The following EIF2AK4 variants were observed in gnomAD, a reference collection of about 807,000 sequenced individuals.
EIF2AK4 encodes the protein eIF-2-alpha kinase GCN2.
EIF2AK4 carries 139 observed loss-of-function variants against 211.1 expected under a neutral mutation model. The observed-to-expected ratio is 0.66, with a 90% confidence interval of 0.57 to 0.76. The LOEUF is 0.76. Among genes scored for constraint, EIF2AK4 ranks in the 30% least tolerant of loss-of-function variants. The pLI, the probability that EIF2AK4 is intolerant of heterozygous loss-of-function variation, is 0.00. For missense variants in EIF2AK4, 1,664 were observed against 2,043.8 expected (o/e 0.81, Z 3.58); for synonymous variants, 710 against 751.3 (o/e 0.94, Z 0.90).
At chr15:39,959,764 A>G (rs889403099) in intron 6 of EIF2AK4, among the ~76,000 whole-genome samples, 1 of 152,250 alleles carries the variant, frequency 6.6e-6, no homozygotes, top group African/African-American at 2.4e-5. Context: ...CTTTGCTTTT[A>G]TCCTTTTCTC....
At chr15:40,017,632 C>T (rs1414369857) in intron 29 of EIF2AK4, among the ~76,000 whole-genome samples, 3 of 147,676 alleles carry the variant, frequency 2.0e-5, no homozygotes, top group Non-Finnish European at 4.5e-5. Context: ...GCAGCCTCGA[C>T]CTCCCTGGGC....
intron 5 of EIF2AK4, among the ~76,000 whole-genome samples, 172 bp downstream of exon 5, chr15:39,954,156 T>C (rs1166860861): frequency 6.6e-6 from 1 of 152,178 alleles, no homozygotes; most frequent in African/African-American, 2.4e-5. Flanking sequence ...AAATTTAGAG[T>C]TTTATGTTGT....
intron 32 of EIF2AK4, among the ~76,000 whole-genome samples, chr15:40,022,879 G>A (rs906222942): frequency 3.3e-5 from 5 of 152,148 alleles, no homozygotes; most frequent in East Asian, 1.9e-4. Flanking sequence ...GACTGCAGGT[G>A]CCCGCCACCA....
intron 6 of EIF2AK4, among the ~76,000 whole-genome samples, chr15:39,958,386 G>T (rs1226954188): frequency 6.6e-6 from 1 of 152,190 alleles, no homozygotes; most frequent in African/African-American, 2.4e-5. Context: ...AGGTTATCTA[G>T]TTTGTTTTCC....
At position 40,017,183 on chromosome 15, in the gene EIF2AK4, A is replaced by G; in HGVS notation, c.4006A>G (p.Lys1336Glu). 1 of 1,614,022 alleles carries G rather than the reference A, an allele frequency of 6.2e-7. No individual in the cohort carries two copies. Among genetic ancestry groups the G allele is most frequent in the African/African-American group, 1.3e-5 (1 of 75,036 alleles). Residue 1336 changes from lysine to glutamate, a missense_variant, in exon 29 of 39, where the codon AAA (lysine) becomes GAA (glutamate). Around this residue, in one of 7 missense-constraint regions of EIF2AK4, gnomAD observed 622 missense variants for 796.8 expected, o/e 0.78. Transcript: ENST00000263791. ...CATCTTCCAGTTTGTGGCTTTCATC[A>G]AACGAAGGCAAAGGGCTGTACCTGA... ...GIIFQFVAFI[K>E]RRQRAVPEIL...
Position 40,009,726 on chromosome 15 carries a change from C to T in EIF2AK4, c.3689C>T (p.Ala1230Val). 1 of 1,559,778 alleles carries T rather than the reference C, an allele frequency of 6.4e-7. No homozygotes were observed. Among genetic ancestry groups the T allele is most frequent in the Non-Finnish European group, 8.8e-7 (1 of 1,139,038 alleles). The change falls in exon 26 of 39, where the codon GCT becomes GTT. Residue 1230 changes from alanine to valine, a missense_variant. Around this residue, in one of 7 missense-constraint regions of EIF2AK4, gnomAD observed 622 missense variants for 796.8 expected, o/e 0.78. Coordinates refer to ENST00000263791, the MANE Select transcript of EIF2AK4 (RefSeq NM_001013703.4). The stretch of plus-strand genomic sequence containing the variant: ...CAAGTCTACATTATTCTGTATGATG[C>T]TGTGGTAAGCATTTAATTACTTATG... ...LSQVYIILYD[A>V]VTEKLTRREV...
Position 39,934,133 on chromosome 15 carries a change from G to A in EIF2AK4, c.-63G>A. ...CGTCCCCAGCGCGGAGCCCCGCCCC[G>A]CAGGCTGCCGGGGGCCCACCGCCGC... On this transcript the variant is annotated 5_prime_UTR_variant, in exon 1 of 39. Coordinates refer to ENST00000263791, the MANE Select transcript of EIF2AK4 (RefSeq NM_001013703.4). 2 of 1,227,978 alleles carry A rather than the reference G, an allele frequency of 1.6e-6. No individual in the cohort carries two copies. Among genetic ancestry groups the A allele is most frequent in the Non-Finnish European group, 2.0e-6 (2 of 987,232 alleles). 76.1% of individuals were successfully genotyped at this position (1,227,978 alleles called of 1,614,324 possible).
intron 12 of EIF2AK4, chr15:39,977,454 T>C (rs2034716147): frequency 6.6e-6 from 1 of 152,248 alleles, no homozygotes; most frequent in African/African-American, 2.4e-5. Flanking sequence ...CCTTAATGCT[T>C]GCTCACCTCC....
intron 7 of EIF2AK4, among the ~76,000 whole-genome samples, chr15:39,963,590 CAA>C (rs1410087684): frequency 2.0e-5 from 3 of 151,950 alleles, no homozygotes; most frequent in Admixed American, 6.6e-5. Flanking sequence ...TTATAAAAAA[CAA>C]TATTTGTTTT....
intron 19 of EIF2AK4, 54 bp from the exon 20 acceptor site, chr15:39,998,677 G>A (rs913668098): frequency 1.5e-6 from 2 of 1,372,844 alleles, no homozygotes; most frequent in African/African-American, 1.4e-5. Flanking sequence ...GTGAATAAAT[G>A]CTTTCACTGT....
chr15:40,023,967 A>C (rs115180445), intron 32 of EIF2AK4, among the ~76,000 whole-genome samples: 5 of 152,360 alleles, frequency 3.3e-5, no homozygotes, highest in South Asian at 2.1e-4. Flanking sequence ...TTAAAAAACA[A>C]CAACAAACAA....
chr15:40,016,428 G>T, intron 27 of EIF2AK4, 74 bp from the exon 28 acceptor site: 5 of 1,556,348 alleles, frequency 3.2e-6, no homozygotes, highest in Non-Finnish European at 4.4e-6. Context: ...GCTCCTGCAG[G>T]TGCACACAGT....
At chr15:39,970,250 A>G (rs1250138863) in intron 9 of EIF2AK4, among the ~76,000 whole-genome samples, 1 of 152,250 alleles carries the variant, frequency 6.6e-6, no homozygotes, top group Non-Finnish European at 1.5e-5. Flanking sequence ...GATTCAGAGA[A>G]GTTCATTTTT....
In EIF2AK4 at chr15:39,965,683, C is replaced by A; in HGVS notation, c.860-3C>A. The A allele has an allele frequency of 6.2e-7, 1 of 1,613,528 alleles. No individual in the cohort carries two copies. The highest frequency in any genetic ancestry group is 8.5e-7 in the Non-Finnish European group (1 of 1,179,786). On this transcript the variant is annotated splice_region_variant and splice_polypyrimidine_tract_variant and intron_variant, in intron 7 of 38. Coordinates refer to ENST00000263791, the MANE Select transcript of EIF2AK4 (RefSeq NM_001013703.4). ...TTAATTACACTTTCTGTTTAATGTG[C>A]AGGCAGTGATGAACAACTTGGAAAA...
intron 6 of EIF2AK4, among the ~76,000 whole-genome samples, chr15:39,958,006 G>T (rs1251346366): frequency 6.6e-6 from 1 of 152,230 alleles, no homozygotes. Flanking sequence ...TTTTGTTGAA[G>T]AACTTTATTT....
chr15:39,970,110 A>G (rs1427447583), intron 9 of EIF2AK4, among the ~76,000 whole-genome samples: 3 of 152,264 alleles, frequency 2.0e-5, no homozygotes, highest in African/African-American at 7.2e-5. Flanking sequence ...AGACTGAGTC[A>G]GTGCTGGTTT....
chr15:39,994,326 TG>T (rs2034990400), intron 18 of EIF2AK4, among the ~76,000 whole-genome samples: 1 of 152,092 alleles, frequency 6.6e-6, no homozygotes, highest in African/African-American at 2.4e-5. Context: ...ACACATTAGG[TG>T]CCAGGCATGG....
At chr15:39,962,350 G>A (rs12915244) in intron 7 of EIF2AK4, among the ~76,000 whole-genome samples, 13,082 of 152,214 alleles carry the variant, frequency 0.086, 1,003 homozygotes, top group East Asian at 0.25. Context: ...AATTATCCAA[G>A]CTTATTGAAA....
Position 39,965,773 on chromosome 15 carries a change from A to T in EIF2AK4, c.947A>T (p.Gln316Leu). The T allele has an allele frequency of 6.2e-7, 1 of 1,613,994 alleles. No homozygotes were observed. Among genetic ancestry groups the T allele is most frequent in the Non-Finnish European group, 8.5e-7 (1 of 1,179,970 alleles). The part of the protein sequence containing the change: ...GFVLLYEWVL[Q>L]WQKKMGPFLT... ...GTCTTGTTGTATGAGTGGGTCCTTC[A>T]GTGGCAGAAAAAAATGGGTCCATTC... The change falls in exon 8 of 39, where the codon CAG (glutamine) becomes CTG (leucine). Residue 316 changes from glutamine (Q) to leucine (L), a missense_variant. This residue lies in a region of EIF2AK4 where 641 missense variants were observed against 729.6 expected (regional missense o/e 0.88). Coordinates refer to ENST00000263791, the MANE Select transcript of EIF2AK4 (RefSeq NM_001013703.4).
Sources: gnomAD v4.1 joint callset for allele counts (sites outside exome capture counted in the v4.1 genomes callset) on GRCh38, gnomAD v4.1.1 for gene constraint, gnomAD v4.1.1 regional missense constraint, MANE v1.5 for transcripts, NCBI Gene and HGNC (gene_info 2026-07-23, HGNC 2026-07-21) for gene names.